The following DLG2 variants were observed in gnomAD, a reference collection of about 807,000 sequenced individuals.
DLG2 encodes disks large homolog 2.
In DLG2, 45 loss-of-function variants were observed where a neutral mutation model predicts 132.5. That is an observed-to-expected ratio of 0.34 (90% CI 0.27 to 0.44). DLG2 has a LOEUF of 0.44. Among genes scored for constraint, DLG2 ranks in the 20% least tolerant of loss-of-function variants. DLG2 has a pLI of 1.00. For synonymous variants in DLG2, 424 were observed against 419.6 expected, an observed-to-expected ratio of 1.01 and a Z score of -0.13; for missense variants, 1,045 against 1,196.9, an observed-to-expected ratio of 0.87 and a Z score of 1.87.
chr11:84,198,416 A>G (rs2096550429), intron 8 of DLG2, among the ~76,000 whole-genome samples: 1 of 152,188 alleles, frequency 6.6e-6, no homozygotes, highest in South Asian at 2.1e-4. Context: ...TTATAAAAGG[A>G]AAATCAATTT....
At chr11:85,380,854 T>A (rs977899384) in intron 3 of DLG2, among the ~76,000 whole-genome samples, 41 of 152,108 alleles carry the variant, frequency 2.7e-4, no homozygotes, top group African/African-American at 8.2e-4. Flanking sequence ...ATCTAAACAT[T>A]TAAGTCATCC....
chr11:84,515,276 T>TACACACACACACACAC (rs142638064), intron 7 of DLG2, among the ~76,000 whole-genome samples: 2 of 141,850 alleles, frequency 1.4e-5, no homozygotes, highest in Non-Finnish European at 3.1e-5. Flanking sequence ...TGAACTTAAA[T>TACACACACACACACAC]ACACACACAC....
intron 19 of DLG2, among the ~76,000 whole-genome samples, chr11:83,618,609 C>T (rs2061187022): frequency 1.3e-5 from 2 of 152,080 alleles, no homozygotes; most frequent in African/African-American, 2.4e-5. Context: ...GTGGCCAAGC[C>T]AGGATTTAAG....
chr11:85,504,544 A>T (rs1032515945), intron 3 of DLG2, among the ~76,000 whole-genome samples: 1 of 152,132 alleles, frequency 6.6e-6, no homozygotes, highest in Admixed American at 6.6e-5. Context: ...ATTATTTCTG[A>T]GGACTCTGTT....
intron 4 of DLG2, among the ~76,000 whole-genome samples, chr11:85,267,880 T>TTGTG (rs1441459289): frequency 1.3e-5 from 1 of 75,934 alleles, no homozygotes; most frequent in Non-Finnish European, 3.3e-5. Flanking sequence ...GTGATGACTT[T>TTGTG]TGTATGTGTG....
At chr11:84,784,360 A>AT (rs879641751) in intron 6 of DLG2, among the ~76,000 whole-genome samples, 6,168 of 149,232 alleles carry the variant, frequency 0.041, 218 homozygotes, top group Non-Finnish European at 0.051. Context: ...AAATAAATAA[A>AT]TAAATAAATT....
intron 18 of DLG2, among the ~76,000 whole-genome samples, chr11:83,784,696 T>A (rs1220274657): frequency 1.3e-5 from 2 of 152,216 alleles, no homozygotes; most frequent in Non-Finnish European, 2.9e-5. Context: ...AAGATGAAGA[T>A]CTACATTGAT....
intron 3 of DLG2, among the ~76,000 whole-genome samples, chr11:85,294,774 A>C (rs774311946): frequency 6.6e-6 from 1 of 152,162 alleles, no homozygotes; most frequent in Non-Finnish European, 1.5e-5. Context: ...TCAAGGGTGC[A>C]GACACTTGAA....
intron 3 of DLG2, among the ~76,000 whole-genome samples, chr11:85,591,730 A>G (rs999072140): frequency 2.6e-5 from 4 of 152,184 alleles, no homozygotes; most frequent in Non-Finnish European, 5.9e-5. Context: ...TGACAGAGCT[A>G]GACTTCATCT....
At chr11:85,324,378 T>C (rs1158725210) in intron 3 of DLG2, among the ~76,000 whole-genome samples, 1 of 152,188 alleles carries the variant, frequency 6.6e-6, no homozygotes, top group African/African-American at 2.4e-5. Context: ...CACCATTATA[T>C]CCTTAGCTCT....
intron 8 of DLG2, among the ~76,000 whole-genome samples, chr11:84,188,888 T>G (rs1307248861): frequency 6.6e-6 from 1 of 152,216 alleles, no homozygotes; most frequent in Non-Finnish European, 1.5e-5. Context: ...CCCAGAGCCT[T>G]CTTTTTGAAA....
At chr11:84,946,006 T>C (rs78502824) in intron 6 of DLG2, among the ~76,000 whole-genome samples, 2,649 of 152,058 alleles carry the variant, frequency 0.017, 35 homozygotes, top group Middle Eastern at 0.037. Context: ...CTCAGGCCCA[T>C]GGCAAGTACT....
At chr11:84,037,163 G>A (rs2095889646) in intron 11 of DLG2, among the ~76,000 whole-genome samples, 1 of 152,042 alleles carries the variant, frequency 6.6e-6, no homozygotes, top group African/African-American at 2.4e-5. Context: ...ATGCAAATGT[G>A]GAGTCTGAAA....
chr11:84,390,264 GA>G (rs2098787833), intron 7 of DLG2, among the ~76,000 whole-genome samples: 1 of 152,100 alleles, frequency 6.6e-6, no homozygotes, highest in South Asian at 2.1e-4. Flanking sequence ...AGTGAATTAT[GA>G]GTTCCCCTGA....
At chr11:83,569,552 G>T (rs1028889605) in intron 19 of DLG2, among the ~76,000 whole-genome samples, 5 of 152,164 alleles carry the variant, frequency 3.3e-5, no homozygotes, top group Admixed American at 1.3e-4. Context: ...TTATACAAAA[G>T]CCTCTGGCTA....
At chr11:85,445,859 T>A (rs960895063) in intron 3 of DLG2, among the ~76,000 whole-genome samples, 1 of 152,160 alleles carries the variant, frequency 6.6e-6, no homozygotes, top group Non-Finnish European at 1.5e-5. Flanking sequence ...GATGAAACCA[T>A]TGATGGAGGA....
intron 24 of DLG2, among the ~76,000 whole-genome samples, chr11:83,470,166 C>T (rs1234013967): frequency 3.3e-5 from 5 of 151,380 alleles, no homozygotes; most frequent in Admixed American, 6.6e-5. Flanking sequence ...AACACAATTA[C>T]GATGATATTT....
At chr11:84,709,669 C>T (rs567626636) in intron 6 of DLG2, among the ~76,000 whole-genome samples, 64 of 151,962 alleles carry the variant, frequency 4.2e-4, no homozygotes, top group African/African-American at 1.5e-3. Context: ...CACAGAGTAT[C>T]TTTGCTTGGT....
At chr11:85,077,888 G>A (rs564592124) in intron 6 of DLG2, among the ~76,000 whole-genome samples, 91 of 151,932 alleles carry the variant, frequency 6.0e-4, no homozygotes, top group Non-Finnish European at 1.1e-3. Flanking sequence ...ACAAAACAGG[G>A]TTGTGCTGTC....
Sources: allele counts gnomAD v4.1 joint callset (sites outside exome capture counted in the v4.1 genomes callset), GRCh38; gene constraint gnomAD v4.1.1; transcripts MANE v1.5; gene names NCBI Gene and HGNC (gene_info 2026-07-23, HGNC 2026-07-21).